LMO7: variants seen among roughly 807,000 people sequenced by gnomAD.
LMO7 encodes the protein LIM domain 7.
A neutral mutation model predicts 206.5 loss-of-function variants in LMO7; 120 were observed. That is an observed-to-expected ratio of 0.58 (90% confidence interval 0.50 to 0.68). The LOEUF is 0.68. LMO7 is among the 30% of genes least tolerant of loss of function. LMO7 has a pLI of 0.00. For missense variants in LMO7, 1,959 were observed against 1,957.9 expected (o/e 1.00, Z -0.01); for synonymous variants, 706 against 681.5 (o/e 1.04, Z -0.56).
rs1320718836 is a variant in LMO7 at position 75,677,723 on chromosome 13, T to C, written c.70-35459T>C. Among the ~76,000 whole-genome samples, 271 of 151,188 alleles carry C rather than the reference T, an allele frequency of 1.8e-3. 2 individuals are homozygous for C. The highest frequency in any genetic ancestry group is 6.3e-3 in the African/African-American group (260 of 41,228). ...TTGTTACATATGTATACATGTGCCA[T>C]GTTGGTGTGCTGCACCCATTAACTC... On this transcript the variant is annotated intron_variant, in intron 1 of 30. Transcript: ENST00000377534.
At chr13:75,796,807 T>C in intron 6 of LMO7, 58 bp downstream of exon 6, 1 of 1,041,724 alleles carries the variant, frequency 9.6e-7, no homozygotes. Flanking sequence ...CTGCTTTCCC[T>C]TCCTCCTCTC....
chr13:75,632,846 C>T (rs2035120486), upstream of LMO7, among the ~76,000 whole-genome samples: 1 of 115,036 alleles, frequency 8.7e-6, no homozygotes, highest in South Asian at 3.2e-4. Context: ...ATGAGGTATT[C>T]ACTAATTACT....
chr13:75,841,295 T>C, intron 23 of LMO7, 94 bp downstream of exon 23: 1 of 782,708 alleles, frequency 1.3e-6, no homozygotes, highest in South Asian at 1.8e-5. Context: ...TTCTCCACCT[T>C]TGACCATATG....
chr13:75,712,387 C>CT (rs1014323660), intron 1 of LMO7, among the ~76,000 whole-genome samples: 5 of 152,122 alleles, frequency 3.3e-5, no homozygotes, highest in African/African-American at 1.2e-4. Flanking sequence ...CTTAGGGCAG[C>CT]TTTTTTCCCA....
intron 25 of LMO7, 95 bp from the exon 26 acceptor site, chr13:75,845,231 TG>T (rs768187246): frequency 1.7e-6 from 1 of 589,762 alleles, no homozygotes; most frequent in Non-Finnish European, 2.8e-6. Context: ...ATAAATCAAC[TG>T]CTTTAAAAAG....
At chr13:75,760,707 G>T (rs530909169) in intron 3 of LMO7, 3 of 1,532,322 alleles carry the variant, frequency 2.0e-6, no homozygotes, top group Non-Finnish European at 1.7e-6. Context: ...CAGAAACAGT[G>T]TATGCCCGGG....
At chr13:75,776,112 T>TATATACAC (rs1491138251) in intron 4 of LMO7, among the ~76,000 whole-genome samples, 1 of 77,272 alleles carries the variant, frequency 1.3e-5, no homozygotes, top group African/African-American at 4.0e-5. Flanking sequence ...TATATATATA[T>TATATACAC]ACATACATAC....
At position 75,766,791 on chromosome 13, in the gene LMO7, C is replaced by G. The variant is rs150543546; in HGVS notation, c.317+5753C>G. On this transcript the variant is annotated intron_variant, in intron 4 of 30. Coordinates refer to ENST00000377534, the MANE Select transcript of LMO7 (RefSeq NM_001306080.2). Reference sequence around the variant, plus strand: ...GAGGACAGGAAGTATGTATTATTCCCTTTATCTCCTTGGTTCCTGTTACCA... The same window carrying G: ...GAGGACAGGAAGTATGTATTATTCCGTTTATCTCCTTGGTTCCTGTTACCA... 5.8e-3 allele frequency among the ~76,000 whole-genome samples: 879 copies of G among 152,138 alleles called. 5 individuals are homozygous for G. Among genetic ancestry groups the G allele is most frequent in the South Asian group, 0.013 (64 of 4,826 alleles).
intron 7 of LMO7, among the ~76,000 whole-genome samples, chr13:75,802,346 G>A (rs903757031): frequency 5.9e-5 from 9 of 152,298 alleles, no homozygotes; most frequent in South Asian, 2.1e-4. Context: ...ATTCCAATAC[G>A]TTTAAGGAAA....
chr13:75,840,105 C>T lies in LMO7; in HGVS notation c.3472C>T (p.Pro1158Ser), dbSNP rs199844678. The T allele has an allele frequency of 2.3e-4, 375 of 1,613,668 alleles. No homozygotes were observed. Among genetic ancestry groups the T allele is most frequent in the Non-Finnish European group, 2.1e-4 (251 of 1,179,846 alleles). ...FEQGSSDSVVPDLPVPTISAP... is the reference protein window; with the variant it reads ...FEQGSSDSVVSDLPVPTISAP... ...CACAGGAAGCTCTGATTCGGTGGTT[C>T]CTGATGTAAGTAGCATTCATTTGTC... Residue 1158 changes from proline (P) to serine (S), a missense_variant, in exon 21 of 31, where the codon CCT (proline) becomes TCT (serine). By Grantham distance (74) the Pro-to-Ser change is moderately conservative. Coordinates refer to ENST00000377534, the MANE Select transcript of LMO7 (RefSeq NM_001306080.2).
chr13:75,636,473 T>C lies in LMO7; in HGVS notation c.-185T>C, dbSNP rs1487056803. 1 of 1,446,784 alleles carries C rather than the reference T, an allele frequency of 6.9e-7. No individual in the cohort carries two copies. The highest frequency in any genetic ancestry group is 1.4e-5 in the African/African-American group (1 of 69,576). The allele number at this position is 1,446,784 out of a possible 1,614,324, so 89.6% of individuals were successfully genotyped here. ...GCCAGGTCTTCACGTTCGTGTAGGT[T>C]CGAGACCTTAACGAACTGCAGAGCG... On this transcript the variant is annotated 5_prime_UTR_variant, in exon 1 of 31. Coordinates refer to ENST00000377534, the MANE Select transcript of LMO7 (RefSeq NM_001306080.2).
At position 75,760,962 on chromosome 13, in the gene LMO7, G is replaced by A; in HGVS notation, c.241G>A (p.Glu81Lys). The change falls in exon 4 of 31, where the codon GAA becomes AAA. Residue 81 changes from glutamate (E) to lysine (K), a missense_variant. Coordinates refer to ENST00000377534, the MANE Select transcript of LMO7 (RefSeq NM_001306080.2). ...DNINVFLKACEQIGLKEAQLF... is the reference protein window; with the variant it reads ...DNINVFLKACKQIGLKEAQLF... ...TATAAACGTTTTCTTGAAAGCTTGT[G>A]AACAGATTGGATTGAAAGAAGCCCA... The A allele has an allele frequency of 1.2e-6, 2 of 1,613,510 alleles. No homozygotes were observed. The highest frequency in any genetic ancestry group is 1.7e-6 in the Non-Finnish European group (2 of 1,179,742).
intron 1 of LMO7, chr13:75,621,923 G>A: frequency 7.6e-7 from 1 of 1,321,656 alleles, no homozygotes; most frequent in South Asian, 2.1e-5. Flanking sequence ...AACTAAGGCA[G>A]AGCATCTCCA....
chr13:75,786,040 G>T (rs898354500), intron 4 of LMO7, among the ~76,000 whole-genome samples: 2 of 152,130 alleles, frequency 1.3e-5, no homozygotes, highest in Non-Finnish European at 2.9e-5. Flanking sequence ...TGTGTGTGTG[G>T]CGTGAATGTG....
chr13:75,716,936 T>C (rs1261051896), intron 2 of LMO7, among the ~76,000 whole-genome samples: 1 of 151,428 alleles, frequency 6.6e-6, no homozygotes. Flanking sequence ...AAGATTTGCT[T>C]GACGATAGTC....
At chr13:75,745,678 C>T (rs924075802) in intron 3 of LMO7, among the ~76,000 whole-genome samples, 1 of 152,170 alleles carries the variant, frequency 6.6e-6, no homozygotes, top group African/African-American at 2.4e-5. Context: ...GCTCTCCCTA[C>T]TGTGAATGGG....
chr13:75,854,781 G>C (rs1291761282), intron 28 of LMO7, among the ~76,000 whole-genome samples: 1 of 152,182 alleles, frequency 6.6e-6, no homozygotes, highest in African/African-American at 2.4e-5. Context: ...GGGTGATCAA[G>C]AAAGAGGGCG....
At chr13:75,717,233 G>C (rs995943564) in intron 2 of LMO7, among the ~76,000 whole-genome samples, 14 of 151,728 alleles carry the variant, frequency 9.2e-5, no homozygotes, top group African/African-American at 3.4e-4. Flanking sequence ...TGTGGTGGCG[G>C]GCGCCTGTAG....
chr13:75,791,877 T>C lies in LMO7; in HGVS notation c.318-3524T>C, dbSNP rs565521986. On this transcript the variant is annotated intron_variant, in intron 4 of 30. Transcript: ENST00000377534. ...ACCCAAGATAGGTATTTTTTTAAAC[T>C]ATTAACATTTTATCTGTACCCATTT... 3.2e-4 allele frequency among the ~76,000 whole-genome samples: 48 copies of C among 152,294 alleles called. 1 individual carries two copies. Among genetic ancestry groups the C allele is most frequent in the African/African-American group, 1.1e-3 (47 of 41,546 alleles).
Sources: allele counts gnomAD v4.1 joint callset (sites outside exome capture counted in the v4.1 genomes callset), GRCh38; gene constraint gnomAD v4.1.1; transcripts MANE v1.5; gene names NCBI Gene and HGNC (gene_info 2026-07-23, HGNC 2026-07-21).